The following NEBL variants were observed in gnomAD, a reference collection of about 807,000 sequenced individuals.
NEBL encodes the protein LIM and SH3 protein 2.
Under a neutral mutation model 140.2 loss-of-function variants are expected in NEBL, and 122 were observed. That is an observed-to-expected ratio of 0.87 (90% CI 0.75 to 1.01). The LOEUF (loss-of-function observed/expected upper bound fraction) is 1.01. Among genes scored for constraint, NEBL ranks in the 50% least tolerant of loss-of-function variants. The pLI is 0.00. For synonymous variants in NEBL, 436 were observed against 398.9 expected (o/e 1.09, Z -1.11); for missense variants, 1,365 against 1,231.3 (o/e 1.11, Z -1.62).
chr10:20,959,907 T>C (rs1379754082), intron 4 of NEBL, among the ~76,000 whole-genome samples: 2 of 152,008 alleles, frequency 1.3e-5, no homozygotes, highest in African/African-American at 2.4e-5. Flanking sequence ...ATATGATAAA[T>C]ATAGATTAAT....
At chr10:21,178,107 C>T (rs1343300014), upstream of NEBL, among the ~76,000 whole-genome samples, 1 of 152,132 alleles carries the variant, frequency 6.6e-6, no homozygotes, top group Non-Finnish European at 1.5e-5. Flanking sequence ...GAGCTTTAAC[C>T]TAATGAAGCA....
At chr10:21,072,437 T>C (rs994241579) in intron 2 of NEBL, among the ~76,000 whole-genome samples, 2 of 152,218 alleles carry the variant, frequency 1.3e-5, no homozygotes, top group Admixed American at 6.5e-5. Context: ...TTGGGTCCCC[T>C]ATTCAGCCAC....
At chr10:21,236,038 A>AGCTTTATTTATATG (rs1425171793) in intron 3 of NEBL, among the ~76,000 whole-genome samples, 2 of 152,190 alleles carry the variant, frequency 1.3e-5, no homozygotes, top group Admixed American at 1.3e-4. Context: ...TGACATTCAT[A>AGCTTTATTTATATG]ACCCCCGTAG....
intron 7 of NEBL, chr10:20,868,231 T>C (rs1201851454): frequency 6.4e-6 from 1 of 155,634 alleles, no homozygotes; most frequent in African/African-American, 2.4e-5. Context: ...TTCATTTTCA[T>C]CTCCCTTTTT....
At chr10:20,988,791 C>G (rs1837350230) in intron 3 of NEBL, among the ~76,000 whole-genome samples, 1 of 152,230 alleles carries the variant, frequency 6.6e-6, no homozygotes, top group Non-Finnish European at 1.5e-5. Flanking sequence ...GGAAACCACA[C>G]TTGGCAAAGC....
At chr10:21,139,737 G>A (rs541808973) in intron 2 of NEBL, among the ~76,000 whole-genome samples, 38 of 152,250 alleles carry the variant, frequency 2.5e-4, no homozygotes, top group Non-Finnish European at 5.0e-4. Context: ...GTGCACATTT[G>A]TCTTGGCAAC....
chr10:20,789,653 AG>A (rs2131629810), intron 26 of NEBL, among the ~76,000 whole-genome samples: 1 of 152,240 alleles, frequency 6.6e-6, no homozygotes, highest in Admixed American at 6.5e-5. Flanking sequence ...TTTTGAGACC[AG>A]CCTGAGCAAC....
intron 2 of NEBL, among the ~76,000 whole-genome samples, chr10:21,094,574 T>A (rs1033783306): frequency 1.4e-5 from 2 of 144,122 alleles, no homozygotes; most frequent in Admixed American, 7.0e-5. Flanking sequence ...TCCCAGCTAC[T>A]CGGAGGCTGA....
At chr10:20,869,093 A>G (rs1225802775) in intron 6 of NEBL, among the ~76,000 whole-genome samples, 1 of 152,094 alleles carries the variant, frequency 6.6e-6, no homozygotes, top group Non-Finnish European at 1.5e-5. Context: ...CCATATAGGT[A>G]GCTTTTATAG....
chr10:20,977,401 T>G (rs1364706246), intron 3 of NEBL, among the ~76,000 whole-genome samples: 2 of 152,212 alleles, frequency 1.3e-5, no homozygotes, highest in African/African-American at 4.8e-5. Context: ...CTAAATCATG[T>G]GACAGGCACA....
chr10:21,190,462 C>T (rs1049493452), intron 3 of NEBL, among the ~76,000 whole-genome samples: 10 of 152,116 alleles, frequency 6.6e-5, no homozygotes, highest in African/African-American at 2.2e-4. Context: ...CCAGCCTGTG[C>T]GACAGAGCGA....
chr10:21,152,561 C>A (rs1840184293), intron 2 of NEBL, among the ~76,000 whole-genome samples: 1 of 149,094 alleles, frequency 6.7e-6, no homozygotes, highest in Non-Finnish European at 1.5e-5. Context: ...GGAAACAGAG[C>A]AAGACCCTGT....
At chr10:21,216,080 G>A (rs1034938683) in intron 3 of NEBL, among the ~76,000 whole-genome samples, 3 of 152,100 alleles carry the variant, frequency 2.0e-5, no homozygotes, top group East Asian at 1.9e-4. Context: ...ATTCTAGGCC[G>A]TCATTCATAA....
chr10:21,266,362 G>A (rs992745375), intron 1 of NEBL, among the ~76,000 whole-genome samples: 2 of 151,996 alleles, frequency 1.3e-5, no homozygotes, highest in Non-Finnish European at 2.9e-5. Context: ...GGCTAGTCTC[G>A]AACTCCTGAG....
intron 2 of NEBL, among the ~76,000 whole-genome samples, chr10:21,047,814 C>T (rs979546739): frequency 6.6e-6 from 1 of 152,134 alleles, no homozygotes; most frequent in Non-Finnish European, 1.5e-5. Flanking sequence ...TAAAAGCAAC[C>T]GGAATCTTCC....
At chr10:20,820,182 G>A (rs558195146) in intron 19 of NEBL, among the ~76,000 whole-genome samples, 1 of 152,112 alleles carries the variant, frequency 6.6e-6, no homozygotes, top group African/African-American at 2.4e-5. Context: ...GAACTTCAAA[G>A]GTTCTTCTCT....
At chr10:21,227,932 G>A (rs1295529047) in intron 3 of NEBL, among the ~76,000 whole-genome samples, 1 of 151,440 alleles carries the variant, frequency 6.6e-6, no homozygotes, top group Non-Finnish European at 1.5e-5. Flanking sequence ...AGAATCTTGT[G>A]GCAAGCACTG....
At chr10:20,818,157 A>G (rs1319767398) in intron 20 of NEBL, among the ~76,000 whole-genome samples, 1 of 152,156 alleles carries the variant, frequency 6.6e-6, no homozygotes, top group Non-Finnish European at 1.5e-5. Context: ...AACAGTGTTG[A>G]GCCTCATTAT....
In NEBL at chr10:20,893,606, A is replaced by G. The variant is rs74120503; in HGVS notation, c.153+3352T>C. The stretch of plus-strand genomic sequence containing the variant: ...GACATTTCTCTCTATGGAGAATTCT[A>G]AGCAGTGCAGGCTTCCTAGGGCTGA... On this transcript the variant is annotated intron_variant, in intron 2 of 27. Coordinates refer to ENST00000377122, the MANE Select transcript of NEBL (RefSeq NM_006393.3). Among the ~76,000 whole-genome samples the G allele has an allele frequency of 8.2e-3, 1,253 of 152,312 alleles. 26 individuals carry two copies. Among genetic ancestry groups the G allele is most frequent in the African/African-American group, 0.028 (1,181 of 41,572 alleles).
Sources: allele counts gnomAD v4.1 joint callset (sites outside exome capture counted in the v4.1 genomes callset), GRCh38; gene constraint gnomAD v4.1.1; transcripts MANE v1.5; gene names NCBI Gene and HGNC (gene_info 2026-07-23, HGNC 2026-07-21).